ZBTB20: variants seen among roughly 807,000 people sequenced by gnomAD.
The protein encoded by ZBTB20 is zinc finger and BTB domain-containing protein 20.
In ZBTB20, 9 loss-of-function variants were observed where a neutral mutation model predicts 56.9. The observed-to-expected ratio is 0.16, with a 90% confidence interval of 0.10 to 0.28. The LOEUF (loss-of-function observed/expected upper bound fraction) is 0.28. Among genes scored for constraint, ZBTB20 ranks in the 10% least tolerant of loss-of-function variants. The pLI is 1.00. For missense variants in ZBTB20, 655 were observed against 1,003.0 expected, an observed-to-expected ratio of 0.65 and a Z score of 4.69; for synonymous variants, 417 against 420.7, an observed-to-expected ratio of 0.99 and a Z score of 0.11.
At chr3:114,717,118 A>G (rs1308970387) in intron 5 of ZBTB20, among the ~76,000 whole-genome samples, 1 of 152,092 alleles carries the variant, frequency 6.6e-6, no homozygotes, top group Non-Finnish European at 1.5e-5. Flanking sequence ...ACCCTTGCAG[A>G]GCCTTGGTTT....
chr3:115,122,668 G>C (rs1461080698), intron 1 of ZBTB20, among the ~76,000 whole-genome samples: 1 of 151,990 alleles, frequency 6.6e-6, no homozygotes, highest in Non-Finnish European at 1.5e-5. Flanking sequence ...TGTCTATGAA[G>C]ACTTTCTATA....
At chr3:115,106,450 G>T (rs1461708046) in intron 1 of ZBTB20, among the ~76,000 whole-genome samples, 1 of 151,180 alleles carries the variant, frequency 6.6e-6, no homozygotes, top group African/African-American at 2.4e-5. Context: ...AGCCAGGATG[G>T]TCTCGATCTC....
chr3:114,658,098 T>C (rs1340786333), intron 6 of ZBTB20, among the ~76,000 whole-genome samples: 1 of 152,224 alleles, frequency 6.6e-6, no homozygotes, highest in Non-Finnish European at 1.5e-5. Flanking sequence ...GAAAGTGCTA[T>C]ATATTCCACT....
chr3:114,497,253 C>G (rs1351173891), intron 7 of ZBTB20, among the ~76,000 whole-genome samples: 1 of 152,154 alleles, frequency 6.6e-6, no homozygotes, highest in Non-Finnish European at 1.5e-5. Flanking sequence ...TCCACTTTCA[C>G]CAAGTGCTCT....
chr3:115,131,352 A>C (rs2084500574), intron 1 of ZBTB20, among the ~76,000 whole-genome samples: 1 of 152,186 alleles, frequency 6.6e-6, no homozygotes, highest in African/African-American at 2.4e-5. Context: ...TATTTTTTAA[A>C]GGCTGAATAT....
chr3:114,495,316 T>G (rs1335461441), intron 7 of ZBTB20, among the ~76,000 whole-genome samples: 1 of 152,124 alleles, frequency 6.6e-6, no homozygotes, highest in African/African-American at 2.4e-5. Flanking sequence ...AGGCTTTGAT[T>G]TGAAGGCCCA....
At chr3:114,455,152 AAGG>A (rs1227721230) in intron 7 of ZBTB20, among the ~76,000 whole-genome samples, 1 of 151,350 alleles carries the variant, frequency 6.6e-6, no homozygotes, top group Non-Finnish European at 1.5e-5. Flanking sequence ...AGAGAGAGAA[AAGG>A]AGAAGGAGAG....
At chr3:114,537,188 A>C (rs887314762) in intron 6 of ZBTB20, among the ~76,000 whole-genome samples, 19 of 152,236 alleles carry the variant, frequency 1.2e-4, no homozygotes, top group Non-Finnish European at 4.4e-5. Flanking sequence ...AACTATCATC[A>C]GAGTGAACAG....
intron 5 of ZBTB20, among the ~76,000 whole-genome samples, chr3:114,701,906 G>A (rs1160774402): frequency 2.0e-5 from 3 of 152,140 alleles, no homozygotes; most frequent in Admixed American, 2.0e-4. Context: ...ATGCATATTT[G>A]GAAAATGTTT....
chr3:115,127,129 C>CA (rs1256398030), intron 1 of ZBTB20, among the ~76,000 whole-genome samples: 4 of 152,046 alleles, frequency 2.6e-5, no homozygotes, highest in South Asian at 4.1e-4. Context: ...GCTGCCAGTC[C>CA]AAAAAAATCT....
At chr3:114,509,537 T>C (rs1003528042) in intron 6 of ZBTB20, among the ~76,000 whole-genome samples, 10 of 152,034 alleles carry the variant, frequency 6.6e-5, no homozygotes, top group African/African-American at 2.4e-4. Flanking sequence ...AAGCCAATTG[T>C]GCTTATAGTT....
intron 2 of ZBTB20, among the ~76,000 whole-genome samples, chr3:115,000,699 A>T (rs1362309885): frequency 6.6e-6 from 1 of 151,632 alleles, no homozygotes; most frequent in Non-Finnish European, 1.5e-5. Flanking sequence ...CATTTAACTC[A>T]GTGTTACTCA....
intron 4 of ZBTB20, among the ~76,000 whole-genome samples, chr3:114,815,016 C>G (rs532206715): frequency 1.3e-5 from 2 of 152,270 alleles, no homozygotes; most frequent in East Asian, 1.9e-4. Flanking sequence ...TTAATATTAG[C>G]TGGCTCTCTA....
intron 5 of ZBTB20, among the ~76,000 whole-genome samples, chr3:114,739,033 G>A (rs1466836841): frequency 2.0e-5 from 3 of 152,174 alleles, no homozygotes; most frequent in African/African-American, 7.2e-5. Context: ...GCCTCCCAAA[G>A]TGTTGGGATT....
At chr3:114,809,762 C>T (rs905154987) in intron 4 of ZBTB20, among the ~76,000 whole-genome samples, 1 of 152,080 alleles carries the variant, frequency 6.6e-6, no homozygotes, top group Non-Finnish European at 1.5e-5. Flanking sequence ...CTGTTTATTA[C>T]ATGTCTCATT....
intron 2 of ZBTB20, among the ~76,000 whole-genome samples, chr3:115,019,935 C>T (rs1470484713): frequency 6.6e-6 from 1 of 151,086 alleles, no homozygotes; most frequent in Non-Finnish European, 1.5e-5. Flanking sequence ...AAAATGCTTC[C>T]ACAAAAATAA....
intron 6 of ZBTB20, among the ~76,000 whole-genome samples, chr3:114,600,158 G>A (rs374000468): frequency 1.6e-4 from 24 of 151,944 alleles, no homozygotes; most frequent in African/African-American, 5.8e-4. Context: ...GATATGTTCT[G>A]GATAAGGTGA....
intron 6 of ZBTB20, among the ~76,000 whole-genome samples, chr3:114,553,683 A>G (rs559864619): frequency 1.3e-5 from 2 of 152,280 alleles, no homozygotes; most frequent in Non-Finnish European, 2.9e-5. Context: ...ATCAGATTTT[A>G]TTTCTAGAGA....
chr3:114,497,459 C>T (rs1048491336), intron 7 of ZBTB20, among the ~76,000 whole-genome samples: 2 of 152,162 alleles, frequency 1.3e-5, no homozygotes, highest in Admixed American at 6.5e-5. Context: ...CTCTGAATCT[C>T]GCTGCTACTT....
Sources: allele counts gnomAD v4.1 joint callset (sites outside exome capture counted in the v4.1 genomes callset), GRCh38; gene constraint gnomAD v4.1.1; transcripts MANE v1.5; gene names NCBI Gene and HGNC (gene_info 2026-07-23, HGNC 2026-07-21).